MERTK: variants seen among roughly 807,000 people sequenced by gnomAD.
MERTK encodes tyrosine-protein kinase Mer.
In MERTK, 69 loss-of-function variants were observed where a neutral mutation model predicts 99.3. The ratio of observed to expected loss-of-function variants is 0.70; its 90% confidence interval spans 0.57 to 0.85. The LOEUF is 0.85. Ranked by LOEUF, MERTK falls within the 40% of genes least tolerant of loss-of-function variation. The pLI is 0.00. For synonymous variants in MERTK, 426 were observed against 467.6 expected (o/e 0.91, Z 1.15); for missense variants, 1,125 against 1,249.4 (o/e 0.90, Z 1.50).
At chr2:111,936,730 C>T (rs199842483) in intron 2 of MERTK, among the ~76,000 whole-genome samples, 2 of 152,132 alleles carry the variant, frequency 1.3e-5, no homozygotes, top group East Asian at 3.9e-4. Context: ...GTGCTGTAGC[C>T]ACTAACCTGC....
chr2:111,912,893 T>G, intron 1 of MERTK: 7 of 275,724 alleles, frequency 2.5e-5, no homozygotes, highest in Non-Finnish European at 3.9e-5. Flanking sequence ...TTGGTGGCTG[T>G]GAGAAGCCCT....
intron 2 of MERTK, among the ~76,000 whole-genome samples, chr2:111,939,663 T>TGG (rs35265653): frequency 1.5e-5 from 2 of 129,420 alleles, no homozygotes. Context: ...AATTTTTTTT[T>TGG]TTTTTTTTTT....
intron 18 of MERTK, 187 bp downstream of exon 18, chr2:112,022,581 G>A (rs771439872): frequency 1.1e-6 from 1 of 902,724 alleles, no homozygotes; most frequent in East Asian, 2.4e-5. Flanking sequence ...GATAGTGTGT[G>A]GTATCTCCAG....
intron 11 of MERTK, among the ~76,000 whole-genome samples, chr2:112,002,010 T>C (rs1676880370): frequency 6.6e-6 from 1 of 152,094 alleles, no homozygotes; most frequent in Non-Finnish European, 1.5e-5. Flanking sequence ...CCACTTTCTT[T>C]CCTTTATTGG....
intron 15 of MERTK, among the ~76,000 whole-genome samples, chr2:112,015,150 G>A (rs1677192060): frequency 6.6e-6 from 1 of 152,160 alleles, no homozygotes; most frequent in Admixed American, 6.5e-5. Context: ...TAAAATTCAT[G>A]TACAGATTTG....
At chr2:112,021,656 G>A in intron 17 of MERTK, 75 bp downstream of exon 17, 1 of 1,376,404 alleles carries the variant, frequency 7.3e-7, no homozygotes, top group South Asian at 1.2e-5. Flanking sequence ...ACCTCAGCTG[G>A]TATGGCAAGA....
intron 1 of MERTK, among the ~76,000 whole-genome samples, chr2:111,925,932 T>C (rs1684559557): frequency 6.6e-6 from 1 of 151,498 alleles, no homozygotes; most frequent in Non-Finnish European, 1.5e-5. Context: ...TCCCGGGTTC[T>C]GCCATTCTCC....
chr2:112,021,927 TATATG>T (rs1677358890), intron 17 of MERTK, among the ~76,000 whole-genome samples: 1 of 152,096 alleles, frequency 6.6e-6, no homozygotes, highest in Non-Finnish European at 1.5e-5. Flanking sequence ...ACCTAGATGC[TATATG>T]AAAGGTGCTG....
intron 4 of MERTK, among the ~76,000 whole-genome samples, chr2:111,962,663 A>G (rs1267026632): frequency 6.6e-6 from 1 of 152,144 alleles, no homozygotes; most frequent in African/African-American, 2.4e-5. Context: ...ATACGGATAC[A>G]TCATCATTAA....
chr2:111,997,181 A>C (rs1431598608), intron 9 of MERTK, 142 bp from the exon 10 acceptor site: 3 of 993,772 alleles, frequency 3.0e-6, no homozygotes, highest in Admixed American at 3.4e-5. Context: ...CTCAGCTTAC[A>C]CAAAGTGAGA....
intron 4 of MERTK, among the ~76,000 whole-genome samples, chr2:111,950,561 T>G (rs891669079): frequency 1.3e-5 from 2 of 152,236 alleles, no homozygotes; most frequent in Non-Finnish European, 2.9e-5. Flanking sequence ...TACCAACATT[T>G]GATTTGGTCA....
chr2:111,983,097 A>G lies in MERTK; in HGVS notation c.1296+104A>G. ...TTTGGTTTTGAAAAGACCTGGTGTGATTGAGTTAGGCAAGGCACCTTTCAG... is the reference window on the plus strand; with the variant it reads ...TTTGGTTTTGAAAAGACCTGGTGTGGTTGAGTTAGGCAAGGCACCTTTCAG... On this transcript the variant is annotated intron_variant, in intron 8 of 18. Coordinates refer to ENST00000295408, the MANE Select transcript of MERTK (RefSeq NM_006343.3). 7.2e-6 allele frequency: 10 copies of G among 1,379,648 alleles called. 1 individual carries two copies. The highest frequency in any genetic ancestry group is 1.0e-5 in the Non-Finnish European group (10 of 977,720). The allele number at this position is 1,379,648 out of a possible 1,614,324, so 85.5% of individuals were successfully genotyped here. A position where few individuals can be genotyped will look rare whatever the true frequency, so the allele number is the denominator to read the frequency against.
chr2:111,974,784 A>AG (rs1289332537), intron 6 of MERTK, among the ~76,000 whole-genome samples: 1 of 144,720 alleles, frequency 6.9e-6, no homozygotes, highest in African/African-American at 2.5e-5. Context: ...AAAAAAAAAA[A>AG]AAAAAAAAGA....
chr2:111,994,597 C>A, intron 9 of MERTK, 193 bp downstream of exon 9: 1 of 756,380 alleles, frequency 1.3e-6, no homozygotes. Flanking sequence ...TAGTGAGACC[C>A]TGTCTCTACA....
In MERTK at chr2:111,968,610, C is replaced by T. The variant is rs573500072; in HGVS notation, c.960+358C>T. On this transcript the variant is annotated intron_variant, in intron 6 of 18. Transcript: ENST00000295408. ...GTACAATGGTGTGATCCCGGCTCAC[C>T]GCAAACTCCACCTGGTTCAAGCAAT... 2.0e-5 allele frequency among the ~76,000 whole-genome samples: 3 copies of T among 152,020 alleles called. No homozygotes were observed. In the East Asian group the frequency reaches 5.8e-4, roughly 30 times the overall value.
chr2:111,966,084 G>A (rs886318342), intron 5 of MERTK, among the ~76,000 whole-genome samples: 13 of 152,154 alleles, frequency 8.5e-5, no homozygotes, highest in African/African-American at 3.1e-4. Flanking sequence ...CCTCCTTAGT[G>A]TGTCATAGAA....
chr2:112,006,727 G>T (rs956905158), intron 13 of MERTK, among the ~76,000 whole-genome samples: 21 of 152,190 alleles, frequency 1.4e-4, no homozygotes, highest in Non-Finnish European at 1.8e-4. Context: ...ACATTTACCT[G>T]CAGGTTGGAC....
intron 15 of MERTK, among the ~76,000 whole-genome samples, chr2:112,019,025 C>T (rs1677275960): frequency 6.6e-6 from 1 of 152,136 alleles, no homozygotes; most frequent in Admixed American, 6.6e-5. Context: ...GACACACACA[C>T]ACACACACAC....
intron 15 of MERTK, among the ~76,000 whole-genome samples, chr2:112,018,715 A>C (rs1308821853): frequency 1.3e-5 from 2 of 152,134 alleles, no homozygotes; most frequent in Non-Finnish European, 2.9e-5. Flanking sequence ...CATCCTCATA[A>C]CTGATTCCAA....
Sources: allele counts gnomAD v4.1 joint callset (sites outside exome capture counted in the v4.1 genomes callset), GRCh38; gene constraint gnomAD v4.1.1; transcripts MANE v1.5; gene names NCBI Gene and HGNC (gene_info 2026-07-23, HGNC 2026-07-21).